RPGRIP1: variants seen among roughly 807,000 people sequenced by gnomAD.
The protein encoded by RPGRIP1 is X-linked retinitis pigmentosa GTPase regulator-interacting protein 1.
RPGRIP1 carries 128 observed loss-of-function variants against 157.9 expected under a neutral mutation model. The observed-to-expected ratio is 0.81, with a 90% CI of 0.70 to 0.94. The LOEUF is 0.94. RPGRIP1 is among the 40% of genes least tolerant of loss of function. The probability of loss-of-function intolerance (pLI) is 0.00; values close to 1 mark genes in which losing one functional copy is unlikely to be tolerated. For missense variants in RPGRIP1, 1,486 were observed against 1,545.8 expected (o/e 0.96, Z 0.65); for synonymous variants, 554 against 571.6 (o/e 0.97, Z 0.44).
At position 21,301,192 on chromosome 14, in the gene RPGRIP1, C is replaced by T; in HGVS notation, c.445C>T (p.Gln149Ter). 1 of 1,594,500 alleles carries T rather than the reference C, an allele frequency of 6.3e-7. No homozygotes were observed. Among genetic ancestry groups the T allele is most frequent in the Non-Finnish European group, 8.5e-7 (1 of 1,171,372 alleles). Reference sequence around the variant, plus strand: ...GCCTCGCGTCCAAGTGGGACACAGACAGCTCCACACAGCCGGTGCACCGGT... The same window carrying T: ...GCCTCGCGTCCAAGTGGGACACAGATAGCTCCACACAGCCGGTGCACCGGT... ...AQPRVQVGHR[Q>*]LHTAGAPVPE... The change falls in exon 4 of 25, where the codon CAG becomes TAG. Residue 149 changes from glutamine to a stop codon, truncating the protein, a stop_gained. Transcript: ENST00000400017. LOFTEE classifies it high-confidence loss of function.
chr14:21,317,748 A>G lies in RPGRIP1; in HGVS notation c.1204A>G (p.Ile402Val). The change falls in exon 11 of 25, where the codon ATA becomes GTA. Residue 402 changes from isoleucine to valine, a missense_variant. By Grantham distance (29) the Ile-to-Val change is conservative. Coordinates refer to ENST00000400017, the MANE Select transcript of RPGRIP1 (RefSeq NM_020366.4). ...SSQPHWSNELIAEQLQQQVSQ... is the reference protein window; with the variant it reads ...SSQPHWSNELVAEQLQQQVSQ... Reference sequence around the variant, plus strand: ...TCAGCCCCACTGGAGCAACGAGCTCATAGCGGAACAGCTACAGCAGCAAGT... The same window carrying G: ...TCAGCCCCACTGGAGCAACGAGCTCGTAGCGGAACAGCTACAGCAGCAAGT... 1.3e-6 allele frequency: 2 copies of G among 1,593,116 alleles called. No individual in the cohort carries two copies. The highest frequency in any genetic ancestry group is 1.7e-6 in the Non-Finnish European group (2 of 1,169,784).
At position 21,327,627 on chromosome 14, in the gene RPGRIP1, T is replaced by C. The variant is rs752064365; in HGVS notation, c.2715T>C (p.Asp905=). 6.2e-7 allele frequency: 1 copy of C among 1,613,860 alleles called. No individual in the cohort carries two copies. Among genetic ancestry groups the C allele is most frequent in the South Asian group, 1.1e-5 (1 of 91,086 alleles). ...TAATATCTGTTTGTTTCTCAGGTGATTTTAACCTCACTGACCCTGCAGAGA... is the reference window on the plus strand; with the variant it reads ...TAATATCTGTTTGTTTCTCAGGTGACTTTAACCTCACTGACCCTGCAGAGA... ...PLAKNESIKG[D]FNLTDPAEKP... The change falls in exon 18 of 25, where the codon GAT becomes GAC. Residue 905 remains aspartate (D), a synonymous_variant. Coordinates refer to ENST00000400017, the MANE Select transcript of RPGRIP1 (RefSeq NM_020366.4).
Position 21,330,243 on chromosome 14 carries a change from C to T in RPGRIP1, c.3100-6C>T. ...GCTATGTAGTATTGTTGTTCTTATTCTGAAGCAGGTGAATTACACTGAGTG... is the reference window on the plus strand; with the variant it reads ...GCTATGTAGTATTGTTGTTCTTATTTTGAAGCAGGTGAATTACACTGAGTG... On this transcript the variant is annotated splice_region_variant and splice_polypyrimidine_tract_variant and intron_variant, in intron 19 of 24. Transcript: ENST00000400017. The T allele has an allele frequency of 6.5e-7, 1 of 1,544,232 alleles. No individual in the cohort carries two copies.
At chr14:21,310,865 T>C (rs767365924) in intron 8 of RPGRIP1, 29 of 669,318 alleles carry the variant, frequency 4.3e-5, no homozygotes, top group South Asian at 4.1e-4. Context: ...AGCCTATTGC[T>C]GGAGCAAATT....
intron 10 of RPGRIP1, 138 bp from the exon 11 acceptor site, chr14:21,317,558 T>C (rs962343750): frequency 2.0e-6 from 3 of 1,527,686 alleles, no homozygotes; most frequent in Non-Finnish European, 2.6e-6. Flanking sequence ...ATGACAGTTA[T>C]GAATAAAGCA....
At chr14:21,313,657 G>A (rs957232781) in intron 10 of RPGRIP1, among the ~76,000 whole-genome samples, 5 of 151,866 alleles carry the variant, frequency 3.3e-5, no homozygotes, top group African/African-American at 1.2e-4. Flanking sequence ...GCACAGTAGC[G>A]CGCACTTGTA....
At chr14:21,300,369 G>C (rs958201706) in intron 3 of RPGRIP1, among the ~76,000 whole-genome samples, 2 of 151,500 alleles carry the variant, frequency 1.3e-5, no homozygotes, top group African/African-American at 2.4e-5. Context: ...GGGGGTTAAG[G>C]CTTCAACATA....
intron 11 of RPGRIP1, among the ~76,000 whole-genome samples, chr14:21,318,797 T>C (rs1169871678): frequency 6.6e-6 from 1 of 152,106 alleles, no homozygotes; most frequent in African/African-American, 2.4e-5. Context: ...AGTGAATTTC[T>C]TTGTCTTTTA....
Position 21,326,022 on chromosome 14 carries a change from C to G in RPGRIP1, c.2559C>G (p.Phe853Leu). The change falls in exon 17 of 25, where the codon TTC becomes TTG. Residue 853 changes from phenylalanine to leucine, a missense_variant. Coordinates refer to ENST00000400017, the MANE Select transcript of RPGRIP1 (RefSeq NM_020366.4). ...NNPYFRDQAR[F>L]PVLVTSDLDH... ...CCTACTTTAGAGACCAGGCTCGATT[C>G]CCAGTGCTTGTGACCTCTGACCTGG... is the stretch of plus-strand genomic sequence containing the variant. 1 of 1,613,948 alleles carries G rather than the reference C, an allele frequency of 6.2e-7. No homozygotes were observed. The highest frequency in any genetic ancestry group is 8.5e-7 in the Non-Finnish European group (1 of 1,179,864).
chr14:21,350,714 G>T (rs999835170), intron 24 of RPGRIP1, among the ~76,000 whole-genome samples: 15 of 152,152 alleles, frequency 9.9e-5, no homozygotes, highest in African/African-American at 3.4e-4. Flanking sequence ...GGTAGTGCCT[G>T]GCATAAGGCA....
intron 20 of RPGRIP1, among the ~76,000 whole-genome samples, chr14:21,334,019 T>C (rs1270852907): frequency 6.6e-6 from 1 of 150,668 alleles, no homozygotes; most frequent in Non-Finnish European, 1.5e-5. Flanking sequence ...GCCTCCCGGA[T>C]TCAAGCAACT....
intron 8 of RPGRIP1, chr14:21,310,984 T>C: frequency 1.4e-5 from 7 of 508,192 alleles, no homozygotes. Flanking sequence ...TATTTGGCCC[T>C]ATTCACCACT....
chr14:21,307,718 C>T lies in RPGRIP1; in HGVS notation c.801-13C>T. On this transcript the variant is annotated splice_polypyrimidine_tract_variant and intron_variant, in intron 6 of 24. Coordinates refer to ENST00000400017, the MANE Select transcript of RPGRIP1 (RefSeq NM_020366.4). ...CATGTTCAGACAGAATAATTTAGCG[C>T]CTTTCTCTGCAGAGCTTCCATTAAA... 2 of 1,504,616 alleles carry T rather than the reference C, an allele frequency of 1.3e-6. No individual in the cohort carries two copies. The highest frequency in any genetic ancestry group is 9.1e-7 in the Non-Finnish European group (1 of 1,102,714). The allele number at this position is 1,504,616 out of a possible 1,614,324, so 93.2% of individuals were successfully genotyped here. A position where few individuals can be genotyped will look rare whatever the true frequency, so the allele number is the denominator to read the frequency against.
At chr14:21,338,872 C>G (rs577826903) in intron 21 of RPGRIP1, among the ~76,000 whole-genome samples, 41 of 152,376 alleles carry the variant, frequency 2.7e-4, no homozygotes, top group African/African-American at 8.9e-4. Flanking sequence ...GGTGTGGTGG[C>G]TCACGCCTGT....
chr14:21,310,756 C>T, intron 8 of RPGRIP1, 149 bp downstream of exon 8: 1 of 658,774 alleles, frequency 1.5e-6, no homozygotes, highest in Non-Finnish European at 2.8e-6. Context: ...AAAAATGATA[C>T]TATTATGATT....
chr14:21,339,498 G>A (rs1884766714), intron 21 of RPGRIP1, among the ~76,000 whole-genome samples: 1 of 152,070 alleles, frequency 6.6e-6, no homozygotes, highest in South Asian at 2.1e-4. Flanking sequence ...GCTATGTAAT[G>A]TTTATTTAGT....
At chr14:21,281,637 C>T (rs963801462) in intron 1 of RPGRIP1, among the ~76,000 whole-genome samples, 3 of 147,980 alleles carry the variant, frequency 2.0e-5, no homozygotes, top group Non-Finnish European at 4.4e-5. Context: ...TGCAGTGAGG[C>T]GAGAGCATAC....
intron 3 of RPGRIP1, among the ~76,000 whole-genome samples, chr14:21,297,354 C>G (rs1249650970): frequency 6.6e-6 from 1 of 152,162 alleles, no homozygotes; most frequent in Admixed American, 6.6e-5. Flanking sequence ...CTCGGCCTCC[C>G]AAAGTGCTGG....
rs551655392 is a variant in RPGRIP1 at position 21,285,514 on chromosome 14, A to G, written c.-38-2425A>G. ...GAGCTACTCAGGAGGCTGAGGCAGGAGAATCACTTGAACTCGGGAGGTGGA... is the reference window on the plus strand; with the variant it reads ...GAGCTACTCAGGAGGCTGAGGCAGGGGAATCACTTGAACTCGGGAGGTGGA... On this transcript the variant is annotated intron_variant, in intron 1 of 24. Coordinates refer to ENST00000400017, the MANE Select transcript of RPGRIP1 (RefSeq NM_020366.4). Among the ~76,000 whole-genome samples the G allele has an allele frequency of 2.8e-4, 42 of 151,738 alleles. 1 individual carries two copies. The highest frequency in any genetic ancestry group is 9.2e-4 in the African/African-American group (38 of 41,178).
Sources: gnomAD v4.1 joint callset for allele counts (sites outside exome capture counted in the v4.1 genomes callset) on GRCh38, gnomAD v4.1.1 for gene constraint, MANE v1.5 for transcripts, NCBI Gene and HGNC (gene_info 2026-07-23, HGNC 2026-07-21) for gene names.